PLCXD3: variants seen among roughly 807,000 people sequenced by gnomAD.
PLCXD3 encodes the protein phosphatidylinositol specific phospholipase C X domain containing 3.
In PLCXD3, 19 loss-of-function variants were observed where a neutral mutation model predicts 25.5. The ratio of observed to expected loss-of-function variants is 0.75; its 90% CI spans 0.52 to 1.09. The LOEUF (loss-of-function observed/expected upper bound fraction) is 1.09. PLCXD3 is among the 50% of genes least tolerant of loss of function. The probability of loss-of-function intolerance (pLI) is 0.00; values close to 1 mark genes in which losing one functional copy is unlikely to be tolerated. For synonymous variants in PLCXD3, 174 were observed against 137.6 expected, an observed-to-expected ratio of 1.26 and a Z score of -1.85; for missense variants, 411 against 388.1, an observed-to-expected ratio of 1.06 and a Z score of -0.50.
chr5:41,430,582 T>C (rs1747073167), intron 1 of PLCXD3, among the ~76,000 whole-genome samples: 1 of 152,094 alleles, frequency 6.6e-6, no homozygotes, highest in Non-Finnish European at 1.5e-5. Flanking sequence ...GCCTCTCTAC[T>C]TGGGCCTTCA....
At position 41,313,482 on chromosome 5, in the gene PLCXD3, C is replaced by T; in HGVS notation, c.*135G>A. 1.0e-6 allele frequency: 1 copy of T among 963,044 alleles called. No individual in the cohort carries two copies. The highest frequency in any genetic ancestry group is 1.5e-6 in the Non-Finnish European group (1 of 656,990). The allele number at this position is 963,044 out of a possible 1,614,324, so 59.7% of individuals were successfully genotyped here. On this transcript the variant is annotated 3_prime_UTR_variant, in exon 3 of 3. Coordinates refer to ENST00000377801, the MANE Select transcript of PLCXD3 (RefSeq NM_001005473.3). ...GTAATCACTGAAGAAACAGTTTTTC[C>T]CCTTTTCCCACCCACTACCAGCCCT... is the stretch of plus-strand genomic sequence containing the variant.
At chr5:41,371,239 G>T (rs1047315460) in intron 2 of PLCXD3, among the ~76,000 whole-genome samples, 1 of 152,106 alleles carries the variant, frequency 6.6e-6, no homozygotes, top group Non-Finnish European at 1.5e-5. Flanking sequence ...AAGCCAAATG[G>T]CAATAAGTGA....
At chr5:41,374,997 GC>G (rs898997000) in intron 2 of PLCXD3, among the ~76,000 whole-genome samples, 1 of 152,112 alleles carries the variant, frequency 6.6e-6, no homozygotes, top group Non-Finnish European at 1.5e-5. Context: ...GACTGGCACT[GC>G]AGCTGAAAAA....
intron 2 of PLCXD3, among the ~76,000 whole-genome samples, chr5:41,357,820 A>ATAT (rs1744661089): frequency 6.6e-6 from 1 of 152,192 alleles, no homozygotes; most frequent in Non-Finnish European, 1.5e-5. Context: ...AAACCCCAAG[A>ATAT]TATTTGTTGC....
chr5:41,428,044 G>A (rs1747003220), intron 1 of PLCXD3, among the ~76,000 whole-genome samples: 1 of 151,968 alleles, frequency 6.6e-6, no homozygotes, highest in Non-Finnish European at 1.5e-5. Context: ...ACTTTCTTTG[G>A]GACTTCTTTG....
intron 1 of PLCXD3, among the ~76,000 whole-genome samples, chr5:41,480,415 A>G (rs983528193): frequency 1.5e-5 from 2 of 129,612 alleles, no homozygotes; most frequent in African/African-American, 5.9e-5. Flanking sequence ...TTTTTCATTT[A>G]TAACATTTGC....
chr5:41,357,929 T>C (rs911244792), intron 2 of PLCXD3, among the ~76,000 whole-genome samples: 1 of 152,120 alleles, frequency 6.6e-6, no homozygotes, highest in African/African-American at 2.4e-5. Flanking sequence ...TACAATAGGG[T>C]TCTATTTAAA....
intron 1 of PLCXD3, among the ~76,000 whole-genome samples, chr5:41,492,163 G>T (rs1290060809): frequency 6.6e-6 from 1 of 152,088 alleles, no homozygotes; most frequent in Non-Finnish European, 1.5e-5. Context: ...TTGCTTGTCT[G>T]TAAAGTATTT....
chr5:41,455,808 C>G (rs1190731473), intron 1 of PLCXD3, among the ~76,000 whole-genome samples: 1 of 151,890 alleles, frequency 6.6e-6, no homozygotes, highest in Non-Finnish European at 1.5e-5. Context: ...ATTATCAATC[C>G]TGTAATAAGC....
At position 41,328,531 on chromosome 5, in the gene PLCXD3, T is replaced by A. The variant is rs140936443; in HGVS notation, c.813-14761A>T. ...CGTAATTGTGGCACATGTCCGAGTA[T>A]CCTTTTCCCACTGCAGCATCTAAAG... On this transcript the variant is annotated intron_variant, in intron 2 of 2. Coordinates refer to ENST00000377801, the MANE Select transcript of PLCXD3 (RefSeq NM_001005473.3). 6.1e-4 allele frequency among the ~76,000 whole-genome samples: 93 copies of A among 152,288 alleles called. 1 individual carries two copies. In the East Asian group the frequency reaches 0.017, roughly 28 times the overall value.
At chr5:41,453,996 C>CT (rs1410891971) in intron 1 of PLCXD3, among the ~76,000 whole-genome samples, 4 of 151,816 alleles carry the variant, frequency 2.6e-5, no homozygotes, top group African/African-American at 7.3e-5. Context: ...AGAAAAATAC[C>CT]TTTTTTTGGC....
chr5:41,414,189 T>C (rs1283508524), intron 1 of PLCXD3, among the ~76,000 whole-genome samples: 4 of 151,444 alleles, frequency 2.6e-5, no homozygotes, highest in Non-Finnish European at 5.9e-5. Flanking sequence ...TAGCTCTTGA[T>C]TGGGATGGGG....
chr5:41,366,215 T>C (rs965306583), intron 2 of PLCXD3, among the ~76,000 whole-genome samples: 1 of 152,112 alleles, frequency 6.6e-6, no homozygotes, highest in African/African-American at 2.4e-5. Context: ...AGAAGAGTCA[T>C]AGCTATACAA....
intron 1 of PLCXD3, among the ~76,000 whole-genome samples, chr5:41,410,671 C>T (rs1466333886): frequency 6.6e-6 from 1 of 152,082 alleles, no homozygotes; most frequent in African/African-American, 2.4e-5. Flanking sequence ...TTATGGCCAC[C>T]TTTTTTCCCA....
Position 41,311,161 on chromosome 5 carries a change from G to C in PLCXD3, c.*2456C>G, listed in dbSNP as rs1411750118. 1 of 152,072 alleles carries C rather than the reference G, an allele frequency of 6.6e-6. No homozygotes were observed. Among genetic ancestry groups the C allele is most frequent in the Non-Finnish European group, 1.5e-5 (1 of 67,992 alleles). The allele number at this position is 152,072 out of a possible 1,614,324, so 9.4% of individuals were successfully genotyped here. A position where few individuals can be genotyped will look rare whatever the true frequency, so the allele number is the denominator to read the frequency against. ...ATTCTTGGCTAAGATCCTCCTGAAG[G>C]ATGAATGAATAGCCAGTTAGAGAGA... On this transcript the variant is annotated 3_prime_UTR_variant, in exon 3 of 3. Transcript: ENST00000377801.
chr5:41,377,151 C>T (rs1296985134), intron 2 of PLCXD3, among the ~76,000 whole-genome samples: 1 of 152,054 alleles, frequency 6.6e-6, no homozygotes, highest in Non-Finnish European at 1.5e-5. Flanking sequence ...CTTAACTGTG[C>T]TATCCAGCTA....
intron 2 of PLCXD3, among the ~76,000 whole-genome samples, chr5:41,358,453 C>T (rs182059934): frequency 6.6e-6 from 1 of 152,074 alleles, no homozygotes; most frequent in Non-Finnish European, 1.5e-5. Flanking sequence ...TCCTCACCCC[C>T]ACTCCCGCTC....
intron 1 of PLCXD3, among the ~76,000 whole-genome samples, chr5:41,431,206 G>A (rs1747091768): frequency 6.6e-6 from 1 of 152,090 alleles, no homozygotes. Context: ...ACTAGATTTT[G>A]GATTATCGCT....
chr5:41,451,762 G>A (rs1165679409), intron 1 of PLCXD3, among the ~76,000 whole-genome samples: 1 of 151,748 alleles, frequency 6.6e-6, no homozygotes, highest in Admixed American at 6.6e-5. Context: ...TCTCCATGAG[G>A]TTCTTCCTTT....
Sources: gnomAD v4.1 joint callset for allele counts (sites outside exome capture counted in the v4.1 genomes callset) on GRCh38, gnomAD v4.1.1 for gene constraint, MANE v1.5 for transcripts, NCBI Gene and HGNC (gene_info 2026-07-23, HGNC 2026-07-21) for gene names.